SLC24A2: variants seen among roughly 807,000 people sequenced by gnomAD.
SLC24A2 encodes sodium/potassium/calcium exchanger 2.
A neutral mutation model predicts 62.0 loss-of-function variants in SLC24A2; 36 were observed. The ratio of observed to expected loss-of-function variants is 0.58; its 90% CI spans 0.44 to 0.77. SLC24A2 has a LOEUF of 0.77. Among genes scored for constraint, SLC24A2 ranks in the 30% least tolerant of loss-of-function variants. The pLI, the probability that SLC24A2 is intolerant of heterozygous loss-of-function variation, is 0.00. For synonymous variants in SLC24A2, 358 were observed against 294.0 expected, an observed-to-expected ratio of 1.22 and a Z score of -2.23; for missense variants, 846 against 817.9, an observed-to-expected ratio of 1.03 and a Z score of -0.42.
chr9:19,946,147 C>G, the SLC24A2 span, among the ~76,000 whole-genome samples: 1 of 152,216 alleles, frequency 6.6e-6, no homozygotes, highest in Non-Finnish European at 1.5e-5. Context: ...TGGCCATGAG[C>G]AAAGGCGGCC....
At chr9:20,108,599 C>T in the SLC24A2 span, among the ~76,000 whole-genome samples, 4 of 149,508 alleles carry the variant, frequency 2.7e-5, no homozygotes, top group Non-Finnish European at 4.4e-5. Context: ...ATCGCAAGAA[C>T]AAAAAACCAA....
the SLC24A2 span, among the ~76,000 whole-genome samples, chr9:20,122,820 A>AT: frequency 6.6e-6 from 1 of 152,198 alleles, no homozygotes; most frequent in Non-Finnish European, 1.5e-5. Flanking sequence ...ATAAGCGCAC[A>AT]TATTTTTAGT....
chr9:20,129,561 T>C, the SLC24A2 span, among the ~76,000 whole-genome samples: 1 of 152,032 alleles, frequency 6.6e-6, no homozygotes, highest in Non-Finnish European at 1.5e-5. Context: ...ATAAACAAAT[T>C]ATGGTATATC....
intron 2 of SLC24A2, among the ~76,000 whole-genome samples, chr9:19,686,813 G>A (rs1819895247): frequency 6.6e-6 from 1 of 151,988 alleles, no homozygotes; most frequent in Admixed American, 6.6e-5. Flanking sequence ...GGCAGCATGA[G>A]CATGAACTAA....
intron 9 of SLC24A2, among the ~76,000 whole-genome samples, chr9:19,526,933 C>T (rs1449424932): frequency 6.6e-6 from 1 of 152,084 alleles, no homozygotes; most frequent in Admixed American, 6.6e-5. Context: ...TATGGTCATA[C>T]AGATTTTTTT....
chr9:19,726,974 T>C (rs1456730270), intron 2 of SLC24A2, among the ~76,000 whole-genome samples: 2 of 152,222 alleles, frequency 1.3e-5, no homozygotes, highest in African/African-American at 2.4e-5. Context: ...ATCATCATAC[T>C]GTCAGAGACC....
intron 9 of SLC24A2, among the ~76,000 whole-genome samples, chr9:19,521,938 G>C (rs1156760536): frequency 1.3e-5 from 2 of 150,956 alleles, no homozygotes; most frequent in African/African-American, 4.9e-5. Flanking sequence ...TGGAAGGTTG[G>C]TCTAGCCTCA....
intron 2 of SLC24A2, among the ~76,000 whole-genome samples, chr9:19,677,757 AAC>A (rs1351933472): frequency 2.0e-5 from 3 of 151,084 alleles, no homozygotes; most frequent in East Asian, 1.9e-4. Flanking sequence ...CATTACACAT[AAC>A]ACACATTCTA....
the SLC24A2 span, among the ~76,000 whole-genome samples, chr9:20,282,453 C>G: frequency 6.6e-6 from 1 of 152,048 alleles, no homozygotes; most frequent in Non-Finnish European, 1.5e-5. Context: ...CATGACAAAC[C>G]TACACACTGT....
the SLC24A2 span, among the ~76,000 whole-genome samples, chr9:20,283,333 A>G: frequency 6.6e-6 from 1 of 152,190 alleles, no homozygotes; most frequent in African/African-American, 2.4e-5. Context: ...TTCCCAGTTC[A>G]GACTACCTAA....
chr9:19,993,971 C>T, the SLC24A2 span, among the ~76,000 whole-genome samples: 1 of 152,168 alleles, frequency 6.6e-6, no homozygotes, highest in Non-Finnish European at 1.5e-5. Flanking sequence ...TTATCTTACT[C>T]GTTTGTAATT....
intron 4 of SLC24A2, among the ~76,000 whole-genome samples, chr9:19,600,127 C>T (rs577704395): frequency 9.9e-4 from 150 of 152,270 alleles, no homozygotes; most frequent in African/African-American, 3.5e-3. Flanking sequence ...CCTGGTGCCT[C>T]TTCTCTATAA....
intron 2 of SLC24A2, among the ~76,000 whole-genome samples, chr9:19,743,040 T>C (rs1587254700): frequency 6.6e-6 from 1 of 152,116 alleles, no homozygotes; most frequent in East Asian, 1.9e-4. Context: ...CTTAGGAAAA[T>C]TTAAGTGTCT....
the SLC24A2 span, among the ~76,000 whole-genome samples, chr9:20,062,402 T>TG: frequency 1.3e-5 from 1 of 78,222 alleles, no homozygotes; most frequent in East Asian, 2.0e-3. Flanking sequence ...AAGGATTCCC[T>TG]ATTAATAAAT....
the SLC24A2 span, among the ~76,000 whole-genome samples, chr9:19,984,148 C>T: frequency 5.8e-4 from 89 of 152,214 alleles, no homozygotes; most frequent in African/African-American, 2.1e-3. Context: ...ATCTGTATTG[C>T]TAAGATGGAA....
the SLC24A2 span, among the ~76,000 whole-genome samples, chr9:19,844,811 A>C: frequency 4.6e-5 from 7 of 152,134 alleles, no homozygotes; most frequent in Non-Finnish European, 1.0e-4. Flanking sequence ...ACTTTGTTGA[A>C]GATCAGATGG....
intron 2 of SLC24A2, among the ~76,000 whole-genome samples, chr9:19,763,248 C>A (rs1208021469): frequency 6.6e-6 from 1 of 152,156 alleles, no homozygotes; most frequent in Non-Finnish European, 1.5e-5. Flanking sequence ...AATATACAAT[C>A]GTGTCATCTG....
At position 19,561,436 on chromosome 9, in the gene SLC24A2, C is replaced by CTTTTT. The variant is rs10641024; in HGVS notation, c.1348-11173_1348-11169dup. Among the ~76,000 whole-genome samples the CTTTTT allele has an allele frequency of 5.2e-3, 713 of 138,176 alleles. 15 individuals are homozygous for CTTTTT. Among genetic ancestry groups the CTTTTT allele is most frequent in the African/African-American group, 0.016 (574 of 36,916 alleles). 90.6% of individuals were successfully genotyped at this position (138,176 alleles called of 152,430 possible). A position where few individuals can be genotyped will look rare whatever the true frequency, so the allele number is the denominator to read the frequency against. Reference sequence around the variant, plus strand: ...AGCTAACAGTTAAGTGGAAAACAGACTTTTTTTTTTTTTTTTGAGATGGAG... The same window carrying CTTTTT: ...AGCTAACAGTTAAGTGGAAAACAGACTTTTTTTTTTTTTTTTTTTTTGAGATGGAG... On this transcript the variant is annotated intron_variant, in intron 7 of 10. Coordinates refer to ENST00000341998, the MANE Select transcript of SLC24A2 (RefSeq NM_020344.4).
the SLC24A2 span, among the ~76,000 whole-genome samples, chr9:20,116,485 G>C: frequency 5.3e-5 from 8 of 152,134 alleles, no homozygotes; most frequent in Non-Finnish European, 1.0e-4. Flanking sequence ...AACGGATTCA[G>C]TTCAGAGGCT....
Sources: gnomAD v4.1 joint callset for allele counts (sites outside exome capture counted in the v4.1 genomes callset) on GRCh38, gnomAD v4.1.1 for gene constraint, MANE v1.5 for transcripts, NCBI Gene and HGNC (gene_info 2026-07-23, HGNC 2026-07-21) for gene names.